The following TJP1 variants were observed in gnomAD, a reference collection of about 807,000 sequenced individuals.
The protein encoded by TJP1 is tight junction protein 1, also known as tight junction protein ZO-1.
A neutral mutation model predicts 194.2 loss-of-function variants in TJP1; 43 were observed. The ratio of observed to expected loss-of-function variants is 0.22; its 90% CI spans 0.17 to 0.29. The LOEUF is 0.29. Ranked by LOEUF, TJP1 falls within the 10% of genes least tolerant of loss-of-function variation. The pLI is 1.00. For missense variants in TJP1, 1,971 were observed against 2,185.7 expected (o/e 0.90, Z 1.96); for synonymous variants, 801 against 779.0 (o/e 1.03, Z -0.47).
chr15:29,937,043 A>G (rs1387871021), intron 2 of TJP1, among the ~76,000 whole-genome samples: 2 of 152,250 alleles, frequency 1.3e-5, no homozygotes, highest in Non-Finnish European at 1.5e-5. Context: ...TGTTATAACC[A>G]TAATATTTAT....
chr15:29,943,531 G>A (rs777608778), intron 2 of TJP1, among the ~76,000 whole-genome samples: 33 of 150,004 alleles, frequency 2.2e-4, no homozygotes, highest in Admixed American at 1.7e-3. Context: ...AGGAGGCTGA[G>A]GCAGGAGAAT....
At chr15:29,864,237 C>CAAAAA (rs397975539) in intron 2 of TJP1, among the ~76,000 whole-genome samples, 200 of 18,942 alleles carry the variant, frequency 0.011, 29 homozygotes, top group East Asian at 0.012. Context: ...ACTAAAAATA[C>CAAAAA]AAAAAAAAAA....
intron 2 of TJP1, among the ~76,000 whole-genome samples, chr15:29,789,974 GA>G (rs2047964664): frequency 6.6e-6 from 1 of 152,178 alleles, no homozygotes; most frequent in African/African-American, 2.4e-5. Context: ...AACTGAGTAA[GA>G]ATCTCTGATG....
At chr15:29,926,775 T>C (rs1424780131) in intron 2 of TJP1, among the ~76,000 whole-genome samples, 2 of 152,246 alleles carry the variant, frequency 1.3e-5, no homozygotes, top group Non-Finnish European at 2.9e-5. Context: ...TTTCTGTTTC[T>C]CATTTATTTT....
In TJP1 at chr15:29,733,265, C is replaced by T; in HGVS notation, c.1565G>A (p.Arg522Lys). Residue 522 changes from arginine (R) to lysine (K), a missense_variant, in exon 13 of 28, where the codon AGA (arginine) becomes AAA (lysine). By Grantham distance (26) the Arg-to-Lys change is conservative. Coordinates refer to ENST00000614355, the MANE Select transcript of TJP1 (RefSeq NM_001330239.4). The part of the protein sequence containing the change: ...ESDVGDSFYI[R>K]THFEYEKESP... ...TTCCTTTTCATATTCAAAATGGGTT[C>T]TAATATAGAAAGAATCTCCTACATC... is the stretch of plus-strand genomic sequence containing the variant. 4.3e-6 allele frequency: 7 copies of T among 1,613,812 alleles called. No individual in the cohort carries two copies. Among genetic ancestry groups the T allele is most frequent in the Non-Finnish European group, 5.9e-6 (7 of 1,179,816 alleles).
intron 1 of TJP1, among the ~76,000 whole-genome samples, chr15:29,806,091 A>C (rs771713932): frequency 6.4e-4 from 98 of 152,230 alleles, no homozygotes; most frequent in Non-Finnish European, 1.3e-3. Flanking sequence ...CAAATGATAT[A>C]AGAATTCATC....
intron 2 of TJP1, among the ~76,000 whole-genome samples, chr15:29,936,592 G>C (rs1427323307): frequency 6.6e-6 from 1 of 152,154 alleles, no homozygotes; most frequent in Non-Finnish European, 1.5e-5. Flanking sequence ...CTTGGTTTCA[G>C]ATTAGTACTC....
At position 29,719,998 on chromosome 15, in the gene TJP1, G is replaced by A; in HGVS notation, c.2782C>T (p.Pro928Ser). The change falls in exon 20 of 28, where the codon CCA becomes TCA. Residue 928 changes from proline (P) to serine (S), a missense_variant. Pro to Ser is a moderately conservative substitution (Grantham distance 74, BLOSUM62 -1). Coordinates refer to ENST00000614355, the MANE Select transcript of TJP1 (RefSeq NM_001330239.4). The part of the protein sequence containing the change: ...ASQQKAEASS[P>S]VPYLSPETNP... ...GTTTCAGGCGAAAGGTAAGGGACTG[G>A]AGATGAAGCTTCTGCTTTCTGTGAA... is the stretch of plus-strand genomic sequence containing the variant. The A allele has an allele frequency of 3.1e-6, 5 of 1,609,444 alleles. No homozygotes were observed. Among genetic ancestry groups the A allele is most frequent in the Non-Finnish European group, 4.2e-6 (5 of 1,178,640 alleles).
intron 8 of TJP1, among the ~76,000 whole-genome samples, chr15:29,755,210 T>C (rs892761751): frequency 6.6e-6 from 1 of 152,216 alleles, no homozygotes; most frequent in African/African-American, 2.4e-5. Flanking sequence ...GGCTACACCA[T>C]ATAGCCTGGG....
chr15:29,961,545 C>T (rs1486838191), intron 1 of TJP1, among the ~76,000 whole-genome samples: 4 of 152,090 alleles, frequency 2.6e-5, no homozygotes, highest in Admixed American at 2.6e-4. Context: ...TTCTGCCTCT[C>T]TCCACCTGCT....
At chr15:29,741,560 T>C in intron 9 of TJP1, 124 bp from the exon 10 acceptor site, 2 of 632,810 alleles carry the variant, frequency 3.2e-6, no homozygotes, top group Non-Finnish European at 5.6e-6. Flanking sequence ...ACCATATGTA[T>C]TAGAGTACAT....
At chr15:29,947,292 A>G (rs2055318691) in intron 2 of TJP1, among the ~76,000 whole-genome samples, 1 of 152,232 alleles carries the variant, frequency 6.6e-6, no homozygotes, top group Admixed American at 6.5e-5. Context: ...ATCTGAAAAC[A>G]GAAATAAGCC....
intron 2 of TJP1, among the ~76,000 whole-genome samples, chr15:29,883,504 T>C (rs1349166270): frequency 2.0e-5 from 3 of 152,206 alleles, no homozygotes; most frequent in African/African-American, 7.2e-5. Context: ...TATAATCTCC[T>C]ACATTCCTCA....
At chr15:29,708,381 C>T (rs372991775) in intron 25 of TJP1, among the ~76,000 whole-genome samples, 178 bp downstream of exon 25, 1 of 152,090 alleles carries the variant, frequency 6.6e-6, no homozygotes. Flanking sequence ...TATTATTTTA[C>T]CAACATCTTG....
intron 1 of TJP1, among the ~76,000 whole-genome samples, chr15:29,817,278 T>C (rs1363782306): frequency 2.6e-5 from 4 of 152,054 alleles, no homozygotes. Context: ...AAAACCACAA[T>C]GAGATACCAT....
intron 1 of TJP1, among the ~76,000 whole-genome samples, chr15:29,966,452 G>A (rs190289339): frequency 1.2e-4 from 19 of 152,170 alleles, no homozygotes; most frequent in Admixed American, 2.0e-4. Context: ...GCAATGAGCC[G>A]AGATCTGCCA....
chr15:29,794,953 T>A (rs2048312239), intron 2 of TJP1, among the ~76,000 whole-genome samples: 1 of 152,046 alleles, frequency 6.6e-6, no homozygotes, highest in Non-Finnish European at 1.5e-5. Flanking sequence ...ATCAATAAAA[T>A]TGTCAAACCT....
intron 2 of TJP1, among the ~76,000 whole-genome samples, chr15:29,831,851 G>A (rs896866073): frequency 2.6e-5 from 4 of 152,166 alleles, no homozygotes; most frequent in African/African-American, 9.7e-5. Flanking sequence ...AAAAAATAGA[G>A]GCAGCAAATG....
rs778083150 is a variant in TJP1 at position 29,726,525 on chromosome 15, A to C, written c.2312-46T>G. ...TAGTTTTATGGTTAGAGCACTGCCA[A>C]AAGTCAGAATTAATTCAACCCTGCT... On this transcript the variant is annotated intron_variant, in intron 17 of 27. Transcript: ENST00000614355. 3 of 1,564,688 alleles carry C rather than the reference A, an allele frequency of 1.9e-6. No homozygotes were observed. In the African/African-American group the frequency reaches 4.1e-5, roughly 21 times the overall value.
Sources: gnomAD v4.1 joint callset for allele counts (sites outside exome capture counted in the v4.1 genomes callset) on GRCh38, gnomAD v4.1.1 for gene constraint, MANE v1.5 for transcripts, NCBI Gene and HGNC (gene_info 2026-07-23, HGNC 2026-07-21) for gene names.